Variants in RASSF3 observed in about 807,000 individuals in gnomAD.
RASSF3 encodes Ras association domain family member 3.
Under a neutral mutation model 19.9 loss-of-function variants are expected in RASSF3, and 19 were observed. That is an observed-to-expected ratio of 0.96 (90% CI 0.67 to 1.40). The LOEUF is 1.40. Among genes scored for constraint, RASSF3 ranks in the 40% most tolerant of loss-of-function variants. The pLI, the probability that RASSF3 is intolerant of heterozygous loss-of-function variation, is 0.00. For missense variants in RASSF3, 306 were observed against 289.8 expected (o/e 1.06, Z -0.41); for synonymous variants, 110 against 104.2 (o/e 1.06, Z -0.34).
chr12:64,532,720 C>T (rs1868740178), upstream of RASSF3, among the ~76,000 whole-genome samples: 1 of 151,628 alleles, frequency 6.6e-6, no homozygotes, highest in African/African-American at 2.4e-5. Context: ...CCTATGTTCC[C>T]AGCTACTTGG....
chr12:64,664,129 G>A (rs991569208), intron 1 of RASSF3, among the ~76,000 whole-genome samples: 1 of 152,002 alleles, frequency 6.6e-6, no homozygotes, highest in Non-Finnish European at 1.5e-5. Flanking sequence ...GTGAAGCTGG[G>A]ATTTACATAC....
chr12:64,666,118 A>C (rs925326031), intron 1 of RASSF3, among the ~76,000 whole-genome samples: 1 of 152,214 alleles, frequency 6.6e-6, no homozygotes, highest in East Asian at 1.9e-4. Flanking sequence ...TTTTGTGCTT[A>C]ATTTATTGCC....
intron 2 of RASSF3, among the ~76,000 whole-genome samples, chr12:64,604,280 C>T (rs1870146750): frequency 6.6e-6 from 1 of 152,024 alleles, no homozygotes; most frequent in Non-Finnish European, 1.5e-5. Flanking sequence ...CATACACCAC[C>T]ATGCCCGGCT....
intron 1 of RASSF3, among the ~76,000 whole-genome samples, chr12:64,650,408 CTTTT>C (rs67304103): frequency 2.0e-4 from 17 of 85,466 alleles, no homozygotes; most frequent in African/African-American, 8.2e-4. Flanking sequence ...TTTTTTTTTC[CTTTT>C]TTTTTTTTTT....
chr12:64,561,060 G>T (rs1197821931), intron 2 of RASSF3, among the ~76,000 whole-genome samples: 2 of 152,224 alleles, frequency 1.3e-5, no homozygotes, highest in Non-Finnish European at 2.9e-5. Context: ...CTCAGTCATT[G>T]GCTAGCAGCA....
intron 1 of RASSF3, among the ~76,000 whole-genome samples, chr12:64,641,637 C>T (rs11315583): frequency 0.027 from 1,312 of 48,156 alleles, 17 homozygotes; most frequent in East Asian, 0.059. Flanking sequence ...CTCTCTCTCT[C>T]TTTTTTTTTT....
chr12:64,661,894 G>A (rs887107003), intron 1 of RASSF3, among the ~76,000 whole-genome samples: 1 of 150,546 alleles, frequency 6.6e-6, no homozygotes, highest in Non-Finnish European at 1.5e-5. Flanking sequence ...TTGGCCAGGC[G>A]GTTCTCGAAC....
chr12:64,667,428 G>A (rs1168752803), intron 1 of RASSF3, among the ~76,000 whole-genome samples: 7 of 152,126 alleles, frequency 4.6e-5, no homozygotes, highest in Non-Finnish European at 1.5e-5. Context: ...CCAGGTTCAA[G>A]CGATTCTCCC....
At position 64,681,034 on chromosome 12, in the gene RASSF3, T is replaced by TTCC. The variant is rs753727836; in HGVS notation, c.112-3750_112-3748dup. Reference sequence around the variant, plus strand: ...TCCAGACTGGCTTACTCTTTGGATTTTCCTCAAGCTTCTCGGTCTGCCTGT... The same window carrying TTCC: ...TCCAGACTGGCTTACTCTTTGGATTTTCCTCCTCAAGCTTCTCGGTCTGCCTGT... On this transcript the variant is annotated intron_variant, in intron 1 of 4. Transcript: ENST00000542104. Among the ~76,000 whole-genome samples, 35 of 152,336 alleles carry TTCC rather than the reference T, an allele frequency of 2.3e-4. No homozygotes were observed. In the Middle Eastern group the frequency reaches 0.01, roughly 44 times the overall value.
chr12:64,616,692 A>G (rs1870564871), intron 1 of RASSF3, among the ~76,000 whole-genome samples: 2 of 152,228 alleles, frequency 1.3e-5, no homozygotes, highest in African/African-American at 4.8e-5. Flanking sequence ...GCCTCTTTGC[A>G]TCTTCCTCTG....
chr12:64,676,467 C>CT lies in RASSF3; in HGVS notation c.112-8296dup, dbSNP rs34917109. On this transcript the variant is annotated intron_variant, in intron 1 of 4. Coordinates refer to ENST00000542104, the MANE Select transcript of RASSF3 (RefSeq NM_178169.4). ...TACAGGTGTGAGCCACTGTGCCCAG[C>CT]TTTTTTTTTTTTTTTTTTTTTTTTG... is the stretch of plus-strand genomic sequence containing the variant. 4.8e-3 allele frequency among the ~76,000 whole-genome samples: 334 copies of CT among 69,632 alleles called. 2 individuals carry two copies. The highest frequency in any genetic ancestry group is 5.9e-3 in the Non-Finnish European group (225 of 38,038). 45.7% of individuals were successfully genotyped at this position (69,632 alleles called of 152,430 possible).
chr12:64,603,547 C>A (rs1377492960), intron 2 of RASSF3, among the ~76,000 whole-genome samples: 1 of 152,142 alleles, frequency 6.6e-6, no homozygotes, highest in South Asian at 2.1e-4. Flanking sequence ...TCCTATAAAC[C>A]GGGGTTACCT....
chr12:64,671,349 G>C (rs532313551), intron 1 of RASSF3, among the ~76,000 whole-genome samples: 3 of 152,282 alleles, frequency 2.0e-5, no homozygotes, highest in Non-Finnish European at 4.4e-5. Flanking sequence ...CTGGACCCTC[G>C]GCTTTCTCCC....
At chr12:64,530,669 TA>T (rs1366019787), upstream of RASSF3, among the ~76,000 whole-genome samples, 1 of 152,250 alleles carries the variant, frequency 6.6e-6, no homozygotes, top group African/African-American at 2.4e-5. Context: ...TGTATCACTT[TA>T]CATTCTCACC....
At chr12:64,653,102 T>TGTGTC (rs1391293377) in intron 1 of RASSF3, among the ~76,000 whole-genome samples, 1 of 152,208 alleles carries the variant, frequency 6.6e-6, no homozygotes, top group Non-Finnish European at 1.5e-5. Context: ...AGGGTCTCAC[T>TGTGTC]GTGTCACCCA....
At chr12:64,511,129 A>G (rs532250703) in intron 1 of RASSF3, among the ~76,000 whole-genome samples, 1 of 152,196 alleles carries the variant, frequency 6.6e-6, no homozygotes, top group Non-Finnish European at 1.5e-5. Flanking sequence ...GAAGAGCGGC[A>G]TGGAGGAAAG....
intron 1 of RASSF3, among the ~76,000 whole-genome samples, chr12:64,527,502 A>G (rs527927166): frequency 2.6e-4 from 40 of 152,218 alleles, no homozygotes; most frequent in Non-Finnish European, 4.6e-4. Flanking sequence ...TTCACAGGCT[A>G]TCTTCACAAT....
chr12:64,646,729 GTTTGGTTTCTCTCTCCATTTTTTTT>G (rs1871747579), intron 1 of RASSF3, among the ~76,000 whole-genome samples: 1 of 147,488 alleles, frequency 6.8e-6, no homozygotes, highest in African/African-American at 2.5e-5. Flanking sequence ...AGGGATCAGT[GTTTGGTTTCTCTCTCCATTTTTTTT>G]TTTTTTCTGT....
intron 1 of RASSF3, among the ~76,000 whole-genome samples, chr12:64,667,764 C>G (rs76664816): frequency 6.6e-6 from 1 of 152,188 alleles, no homozygotes; most frequent in Non-Finnish European, 1.5e-5. Context: ...TGGCTTATCT[C>G]TGCGGGCAAG....
Sources: allele counts gnomAD v4.1 joint callset (sites outside exome capture counted in the v4.1 genomes callset), GRCh38; gene constraint gnomAD v4.1.1; transcripts MANE v1.5; gene names NCBI Gene and HGNC (gene_info 2026-07-23, HGNC 2026-07-21).